Variants in ATP9B observed in about 807,000 individuals in gnomAD.
ATP9B encodes probable phospholipid-transporting ATPase IIB.
Under a neutral mutation model 146.1 loss-of-function variants are expected in ATP9B, and 110 were observed. That is an observed-to-expected ratio of 0.75 (90% CI 0.65 to 0.88). The LOEUF (loss-of-function observed/expected upper bound fraction) is 0.88. ATP9B is among the 40% of genes least tolerant of loss of function. ATP9B has a pLI of 0.00. For missense variants in ATP9B, 1,499 were observed against 1,496.4 expected (o/e 1.00, Z -0.03); for synonymous variants, 604 against 569.7 (o/e 1.06, Z -0.86).
chr18:79,203,901 A>G (rs1266469827), intron 9 of ATP9B, among the ~76,000 whole-genome samples: 3 of 152,178 alleles, frequency 2.0e-5, no homozygotes, highest in Admixed American at 1.3e-4. Flanking sequence ...TGTTTCTTCA[A>G]TAGTGTTAAG....
At chr18:79,159,776 G>A (rs566932892) in intron 7 of ATP9B, among the ~76,000 whole-genome samples, 3 of 152,064 alleles carry the variant, frequency 2.0e-5, no homozygotes, top group Non-Finnish European at 2.9e-5. Context: ...GATGTTTTTC[G>A]TCATGACCTC....
Position 79,287,503 on chromosome 18 carries a change from CTCTTT to C in ATP9B, c.1411+10312_1411+10316del, listed in dbSNP as rs368762470. Among the ~76,000 whole-genome samples the C allele has an allele frequency of 2.4e-3, 361 of 152,204 alleles. 1 individual carries two copies. Among genetic ancestry groups the C allele is most frequent in the South Asian group, 6.2e-3 (30 of 4,820 alleles). On this transcript the variant is annotated intron_variant, in intron 13 of 29. Transcript: ENST00000426216. ...TTTATTGCGTCTATTTGATTCTTCT[CTCTTT>C]TCTTCTTTATTAGTCTTGCTAGCGG...
chr18:79,238,047 T>C (rs1198863109), intron 11 of ATP9B, among the ~76,000 whole-genome samples: 1 of 152,150 alleles, frequency 6.6e-6, no homozygotes, highest in Non-Finnish European at 1.5e-5. Flanking sequence ...ATATTCTGTT[T>C]GCTGCTATTT....
intron 8 of ATP9B, among the ~76,000 whole-genome samples, chr18:79,190,537 CACACACACATAT>C (rs1298343038): frequency 1.4e-5 from 2 of 141,346 alleles, no homozygotes; most frequent in South Asian, 2.5e-4. Flanking sequence ...CACACACACA[CACACACACATAT>C]ACATATATTT....
At position 79,206,254 on chromosome 18, in the gene ATP9B, TC is replaced by T. The variant is rs201897404; in HGVS notation, c.955-682del. Among the ~76,000 whole-genome samples, 1,003 of 152,272 alleles carry T rather than the reference TC, an allele frequency of 6.6e-3. 5 individuals are homozygous for T. Among genetic ancestry groups the T allele is most frequent in the Middle Eastern group, 0.014 (4 of 294 alleles). ...CGCGCCCGGCCAATAATAGCATACT[TC>T]TAAAGAGGAATTTAAGAGAAATACA... On this transcript the variant is annotated intron_variant, in intron 9 of 29. Coordinates refer to ENST00000426216, the MANE Select transcript of ATP9B (RefSeq NM_198531.5).
chr18:79,159,907 A>G (rs986668129), intron 7 of ATP9B, among the ~76,000 whole-genome samples: 8 of 152,188 alleles, frequency 5.3e-5, no homozygotes, highest in Non-Finnish European at 8.8e-5. Context: ...TCATGGCTTT[A>G]TATCATCTGA....
chr18:79,255,133 A>C (rs2145134572), intron 12 of ATP9B: 1 of 152,260 alleles, frequency 6.6e-6, no homozygotes, highest in South Asian at 2.1e-4. Context: ...TCCTGCTCAG[A>C]GGACCCGAGC....
intron 2 of ATP9B, among the ~76,000 whole-genome samples, chr18:79,102,678 G>A (rs1599560040): frequency 1.3e-5 from 2 of 152,074 alleles, no homozygotes; most frequent in Non-Finnish European, 2.9e-5. Flanking sequence ...TCCTTACTAG[G>A]ATTTTGATAG....
chr18:79,204,741 C>T (rs2095518979), intron 9 of ATP9B, among the ~76,000 whole-genome samples: 1 of 152,148 alleles, frequency 6.6e-6, no homozygotes, highest in Non-Finnish European at 1.5e-5. Flanking sequence ...AGATTGTTTC[C>T]ATCCAGGCTG....
chr18:79,082,428 G>A (rs139246085), intron 1 of ATP9B, among the ~76,000 whole-genome samples: 4,155 of 152,190 alleles, frequency 0.027, 202 homozygotes, highest in African/African-American at 0.095. Flanking sequence ...CTCCTTCTCT[G>A]TCCAGTTTTG....
intron 13 of ATP9B, among the ~76,000 whole-genome samples, chr18:79,300,869 A>G (rs542884639): frequency 6.6e-6 from 1 of 152,378 alleles, no homozygotes; most frequent in African/African-American, 2.4e-5. Context: ...ATAATAAAAA[A>G]GTTGGGTTAA....
chr18:79,232,619 G>A (rs2095802805), intron 11 of ATP9B, among the ~76,000 whole-genome samples: 1 of 152,190 alleles, frequency 6.6e-6, no homozygotes, highest in African/African-American at 2.4e-5. Flanking sequence ...TAAGCAGTCT[G>A]AAGAAACAAA....
chr18:79,235,162 C>G (rs2095829612), intron 11 of ATP9B, among the ~76,000 whole-genome samples: 1 of 152,214 alleles, frequency 6.6e-6, no homozygotes, highest in South Asian at 2.1e-4. Flanking sequence ...CAGGTGTGAG[C>G]CACTGTGCCT....
At chr18:79,222,350 C>A (rs150242317) in intron 11 of ATP9B, among the ~76,000 whole-genome samples, 296 of 151,754 alleles carry the variant, frequency 2.0e-3, no homozygotes, top group African/African-American at 7.0e-3. Flanking sequence ...CAGAGTGAGA[C>A]TCCATCTCAA....
intron 25 of ATP9B, among the ~76,000 whole-genome samples, chr18:79,351,508 C>T (rs1366402990): frequency 6.6e-6 from 1 of 152,160 alleles, no homozygotes; most frequent in Non-Finnish European, 1.5e-5. Context: ...TTGCCTTCAC[C>T]TAGGAAATAA....
intron 26 of ATP9B, among the ~76,000 whole-genome samples, chr18:79,365,762 A>C (rs1202426240): frequency 6.6e-6 from 1 of 151,738 alleles, no homozygotes; most frequent in Non-Finnish European, 1.5e-5. Context: ...ATCTCCGTGG[A>C]CAGGGACAGT....
At chr18:79,302,165 A>G (rs2096594723) in intron 13 of ATP9B, among the ~76,000 whole-genome samples, 1 of 152,236 alleles carries the variant, frequency 6.6e-6, no homozygotes, top group South Asian at 2.1e-4. Context: ...AGTCAATTGC[A>G]ATTTTGTGCA....
intron 5 of ATP9B, among the ~76,000 whole-genome samples, chr18:79,136,585 A>C (rs2094450156): frequency 6.6e-6 from 1 of 152,148 alleles, no homozygotes; most frequent in South Asian, 2.1e-4. Context: ...TACCTGTATT[A>C]GACTGTTTGA....
chr18:79,149,996 G>A (rs1350238742), intron 6 of ATP9B, among the ~76,000 whole-genome samples: 6 of 152,056 alleles, frequency 3.9e-5, no homozygotes, highest in Admixed American at 6.6e-5. Flanking sequence ...CAGGAGAATC[G>A]CTAGAACCCG....
Sources: allele counts gnomAD v4.1 joint callset (sites outside exome capture counted in the v4.1 genomes callset), GRCh38; gene constraint gnomAD v4.1.1; transcripts MANE v1.5; gene names NCBI Gene and HGNC (gene_info 2026-07-23, HGNC 2026-07-21).